FUBP3: variants seen among roughly 807,000 people sequenced by gnomAD.
FUBP3 encodes far upstream element binding protein 3.
FUBP3 carries 28 observed loss-of-function variants against 85.6 expected under a neutral mutation model. The ratio of observed to expected loss-of-function variants is 0.33; its 90% CI spans 0.24 to 0.45. FUBP3 has a LOEUF of 0.45. Among genes scored for constraint, FUBP3 ranks in the 20% least tolerant of loss-of-function variants. The probability of loss-of-function intolerance (pLI) is 1.00; values close to 1 mark genes in which losing one functional copy is unlikely to be tolerated. For missense variants in FUBP3, 583 were observed against 755.1 expected, an observed-to-expected ratio of 0.77 and a Z score of 2.67; for synonymous variants, 271 against 271.4, an observed-to-expected ratio of 1.00 and a Z score of 0.01.
At chr9:130,584,365 TA>T (rs1462660411) in intron 1 of FUBP3, among the ~76,000 whole-genome samples, 1 of 151,500 alleles carries the variant, frequency 6.6e-6, no homozygotes, top group Non-Finnish European at 1.5e-5. Context: ...CCATCTCTGC[TA>T]AAAATACAAA....
chr9:130,581,770 A>T (rs1830139802), intron 1 of FUBP3: 1 of 152,230 alleles, frequency 6.6e-6, no homozygotes, highest in South Asian at 2.1e-4. Flanking sequence ...GTCTCCTCAT[A>T]AACTCCAGAG....
intron 16 of FUBP3, among the ~76,000 whole-genome samples, chr9:130,634,320 C>G (rs150860411): frequency 6.6e-6 from 1 of 152,228 alleles, no homozygotes; most frequent in Non-Finnish European, 1.5e-5. Flanking sequence ...CAGAGGGCCA[C>G]GCGAAGAGAG....
At chr9:130,604,040 A>G (rs1311526568) in intron 2 of FUBP3, among the ~76,000 whole-genome samples, 1 of 152,244 alleles carries the variant, frequency 6.6e-6, no homozygotes, top group East Asian at 1.9e-4. Context: ...ATACCGTGGA[A>G]TATCACTCAG....
Position 130,635,480 on chromosome 9 carries a change from A to G in FUBP3, c.1583-519A>G, listed in dbSNP as rs763734693. 2.6e-5 allele frequency among the ~76,000 whole-genome samples: 4 copies of G among 152,170 alleles called. No homozygotes were observed. The highest frequency in any genetic ancestry group is 4.4e-5 in the Non-Finnish European group (3 of 68,018). On this transcript the variant is annotated intron_variant, in intron 17 of 18. Transcript: ENST00000319725. This position sits in a 1 kb window ranked among gnomAD's most constrained non-coding sequence, Gnocchi z 4.3. ...AAGTGGTCCCCCTGGTGTTGGCATC[A>G]TCGCCAGGTTCATGGCCCTTCTAGG...
intron 2 of FUBP3, among the ~76,000 whole-genome samples, chr9:130,599,492 T>A (rs1471269130): frequency 6.6e-6 from 1 of 151,498 alleles, no homozygotes; most frequent in African/African-American, 2.4e-5. Context: ...TTTCAGAGAG[T>A]GGCAGTTTTG....
chr9:130,617,612 T>C lies in FUBP3; in HGVS notation c.568-185T>C, dbSNP rs563133619. ...TGGTTTTACATCTCGCATTTGGACATGGTCGTACCCGACCTATATGTCTGC... is the reference window on the plus strand; with the variant it reads ...TGGTTTTACATCTCGCATTTGGACACGGTCGTACCCGACCTATATGTCTGC... On this transcript the variant is annotated intron_variant, in intron 7 of 18. Coordinates refer to ENST00000319725, the MANE Select transcript of FUBP3 (RefSeq NM_003934.2). 2.0e-5 allele frequency among the ~76,000 whole-genome samples: 3 copies of C among 152,360 alleles called. No homozygotes were observed. In the South Asian group the frequency reaches 6.2e-4, roughly 32 times the overall value.
In FUBP3 at chr9:130,635,866, C is replaced by T; in HGVS notation, c.1583-133C>T. 1 of 869,496 alleles carries T rather than the reference C, an allele frequency of 1.2e-6. No homozygotes were observed. Among genetic ancestry groups the T allele is most frequent in the African/African-American group, 1.7e-5 (1 of 59,758 alleles). 53.9% of individuals were successfully genotyped at this position (869,496 alleles called of 1,614,324 possible). A position where few individuals can be genotyped will look rare whatever the true frequency, so the allele number is the denominator to read the frequency against. On this transcript the variant is annotated intron_variant, in intron 17 of 18. Coordinates refer to ENST00000319725, the MANE Select transcript of FUBP3 (RefSeq NM_003934.2). The surrounding 1 kb of genome is among the most constrained non-coding windows in gnomAD (Gnocchi z 4.3). Reference sequence around the variant, plus strand: ...GCAAGCGCTCCTGCAACACCAGCCTCACCTCACTGCCTCCCAGACCTCCCT... The same window carrying T: ...GCAAGCGCTCCTGCAACACCAGCCTTACCTCACTGCCTCCCAGACCTCCCT...
intron 11 of FUBP3, among the ~76,000 whole-genome samples, chr9:130,625,758 C>T (rs1371646512): frequency 6.6e-6 from 1 of 152,182 alleles, no homozygotes; most frequent in African/African-American, 2.4e-5. Context: ...TTGGCAGGTT[C>T]CCTCTGTTCC....
At chr9:130,620,157 T>G (rs907143083) in intron 8 of FUBP3, among the ~76,000 whole-genome samples, 197 bp from the exon 9 acceptor site, 4 of 152,194 alleles carry the variant, frequency 2.6e-5, no homozygotes, top group African/African-American at 9.7e-5. Context: ...TGTGGACATT[T>G]GGGCAGTGGA....
chr9:130,632,110 T>C (rs1326787187), intron 15 of FUBP3, 88 bp downstream of exon 15: 1 of 1,462,408 alleles, frequency 6.8e-7, no homozygotes, highest in East Asian at 2.3e-5. Context: ...CCGGTGATGC[T>C]TGGCTGGGGT....
intron 11 of FUBP3, among the ~76,000 whole-genome samples, chr9:130,624,342 C>T (rs1162439217): frequency 2.0e-5 from 3 of 152,216 alleles, no homozygotes; most frequent in African/African-American, 7.2e-5. Context: ...CCAGGCAGTG[C>T]TCTCTATGTG....
chr9:130,596,883 A>T (rs758523846), intron 2 of FUBP3, among the ~76,000 whole-genome samples: 10 of 152,142 alleles, frequency 6.6e-5, no homozygotes, highest in Non-Finnish European at 1.5e-4. Context: ...GGGGGTATCC[A>T]TCCCCTCAAG....
intron 1 of FUBP3, among the ~76,000 whole-genome samples, chr9:130,583,690 C>T (rs1023102157): frequency 6.6e-6 from 1 of 152,098 alleles, no homozygotes; most frequent in Non-Finnish European, 1.5e-5. Flanking sequence ...ATTGTTGGGA[C>T]CCAGTAGAGT....
In FUBP3 at chr9:130,612,444, C is replaced by G; in HGVS notation, c.225-12C>G. On this transcript the variant is annotated splice_polypyrimidine_tract_variant and intron_variant, in intron 3 of 18. Transcript: ENST00000319725. The surrounding 1 kb of genome is among the most constrained non-coding windows in gnomAD (Gnocchi z 4.1). ...ATTCTGTATTTTTTTCCAAAATGTT[C>G]TTTGTTTTTAGGACGGTAATAACGG... The G allele has an allele frequency of 6.3e-7, 1 of 1,575,212 alleles. No individual in the cohort carries two copies. Among genetic ancestry groups the G allele is most frequent in the East Asian group, 2.2e-5 (1 of 44,640 alleles).
At chr9:130,628,088 ACGCACG>A (rs1830055600) in intron 12 of FUBP3, among the ~76,000 whole-genome samples, 3 of 128,024 alleles carry the variant, frequency 2.3e-5, no homozygotes, top group Admixed American at 8.9e-5. Context: ...AAACACACGC[ACGCACG>A]CACGCACGCG....
At position 130,611,421 on chromosome 9, in the gene FUBP3, A is replaced by G. The variant is rs369900153; in HGVS notation, c.225-1035A>G. Reference sequence around the variant, plus strand: ...ATTTGGGGAGAACACATACATCGCAAGAGGTGGAGAGAATCCCGTCTTGTT... The same window carrying G: ...ATTTGGGGAGAACACATACATCGCAGGAGGTGGAGAGAATCCCGTCTTGTT... On this transcript the variant is annotated intron_variant, in intron 3 of 18. Coordinates refer to ENST00000319725, the MANE Select transcript of FUBP3 (RefSeq NM_003934.2). Among the ~76,000 whole-genome samples the G allele has an allele frequency of 1.8e-3, 275 of 152,298 alleles. 1 individual carries two copies. The highest frequency in any genetic ancestry group is 6.3e-3 in the African/African-American group (263 of 41,566).
rs370747087 is a variant in FUBP3 at position 130,632,275 on chromosome 9, C to A, written c.1507C>A (p.Pro503Thr). Reference protein sequence around the residue: ...QAWQQPTQQVPSQQSQPQSSQ... With the variant: ...QAWQQPTQQVTSQQSQPQSSQ... ...GTGGCAGCAGCCCACACAGCAGGTC[C>A]CAAGTAAGTGACTCGGGGCGGGGAG... The change falls in exon 16 of 19, where the codon CCA becomes ACA. Residue 503 changes from proline (P) to threonine (T), a missense_variant. By Grantham distance (38) the Pro-to-Thr change is conservative. Coordinates refer to ENST00000319725, the MANE Select transcript of FUBP3 (RefSeq NM_003934.2). 8.1e-6 allele frequency: 13 copies of A among 1,612,534 alleles called. No individual in the cohort carries two copies. Among genetic ancestry groups the A allele is most frequent in the Admixed American group, 1.7e-5 (1 of 60,000 alleles).
chr9:130,580,538 G>A (rs1252079566), intron 1 of FUBP3: 1 of 152,154 alleles, frequency 6.6e-6, no homozygotes, highest in Non-Finnish European at 1.5e-5. Context: ...TTACAAGTCA[G>A]CCCTAACACT....
rs113638192 is a variant in FUBP3 at position 130,601,801 on chromosome 9, A to ATTTTTTTTTTTTT, written c.190+6219_190+6231dup. On this transcript the variant is annotated intron_variant, in intron 2 of 18. Transcript: ENST00000319725. Reference sequence around the variant, plus strand: ...ATGGAAATTTTAGAAATAATTCCTAATTTTTTTTTTTTTTTTTTGAGATGG... The same window carrying ATTTTTTTTTTTTT: ...ATGGAAATTTTAGAAATAATTCCTAATTTTTTTTTTTTTTTTTTTTTTTTTTTTTTTGAGATGG... 3.4e-5 allele frequency among the ~76,000 whole-genome samples: 4 copies of ATTTTTTTTTTTTT among 117,376 alleles called. 1 individual carries two copies. The highest frequency in any genetic ancestry group is 5.0e-5 in the Non-Finnish European group (3 of 59,964). 77.0% of individuals were successfully genotyped at this position (117,376 alleles called of 152,430 possible). A position where few individuals can be genotyped will look rare whatever the true frequency, so the allele number is the denominator to read the frequency against.
Sources: allele counts gnomAD v4.1 joint callset (sites outside exome capture counted in the v4.1 genomes callset), GRCh38; gene constraint gnomAD v4.1.1; non-coding constraint Gnocchi (gnomAD v3.1); transcripts MANE v1.5; gene names NCBI Gene and HGNC (gene_info 2026-07-23, HGNC 2026-07-21).